The following WWOX variants were observed in gnomAD, a reference collection of about 807,000 sequenced individuals.
WWOX encodes the protein WW domain containing oxidoreductase, also known as WW domain-containing oxidoreductase.
In WWOX, 69 loss-of-function variants were observed where a neutral mutation model predicts 46.2. The observed-to-expected ratio is 1.49, with a 90% CI of 1.23 to 1.82. The LOEUF (loss-of-function observed/expected upper bound fraction) is 1.82. WWOX is among the 40% of genes most tolerant of loss of function. The pLI, the probability that WWOX is intolerant of heterozygous loss-of-function variation, is 0.00. For missense variants in WWOX, 919 were observed against 542.6 expected, an observed-to-expected ratio of 1.69 and a Z score of -6.89; for synonymous variants, 359 against 202.6, an observed-to-expected ratio of 1.77 and a Z score of -6.56.
At chr16:78,447,528 T>C (rs928579020) in intron 8 of WWOX, among the ~76,000 whole-genome samples, 2 of 152,220 alleles carry the variant, frequency 1.3e-5, no homozygotes, top group Non-Finnish European at 2.9e-5. Flanking sequence ...AGTATATGTG[T>C]AATTATTCAA....
intron 4 of WWOX, among the ~76,000 whole-genome samples, chr16:78,139,299 G>C (rs948298128): frequency 6.6e-6 from 1 of 152,156 alleles, no homozygotes; most frequent in African/African-American, 2.4e-5. Context: ...GAATTGTCGG[G>C]GGTGGGGTTG....
Position 78,348,188 on chromosome 16 carries a change from G to A in WWOX, c.517-38672G>A, listed in dbSNP as rs1227163225. ...AAAATACCTTTGCTTCTGGGCCATA[G>A]CTGTGTTTCTTCTTAACAAGGCAGA... is the stretch of plus-strand genomic sequence containing the variant. On this transcript the variant is annotated intron_variant, in intron 5 of 8. Coordinates refer to ENST00000566780, the MANE Select transcript of WWOX (RefSeq NM_016373.4). Among the ~76,000 whole-genome samples the A allele has an allele frequency of 3.3e-5, 4 of 121,914 alleles. 1 individual carries two copies. Among genetic ancestry groups the A allele is most frequent in the African/African-American group, 1.1e-4 (4 of 35,960 alleles). The allele number at this position is 121,914 out of a possible 152,430, so 80.0% of individuals were successfully genotyped here. A position where few individuals can be genotyped will look rare whatever the true frequency, so the allele number is the denominator to read the frequency against.
At chr16:78,417,620 C>G (rs887756984) in intron 6 of WWOX, among the ~76,000 whole-genome samples, 5 of 152,194 alleles carry the variant, frequency 3.3e-5, no homozygotes, top group African/African-American at 1.2e-4. Flanking sequence ...CCATCTTTCC[C>G]TCTTCCCCGC....
intron 8 of WWOX, among the ~76,000 whole-genome samples, chr16:78,509,311 G>T (rs999250324): frequency 2.0e-5 from 3 of 152,116 alleles, no homozygotes; most frequent in Non-Finnish European, 4.4e-5. Context: ...GTGATGGCCA[G>T]CACCTGTAGT....
intron 8 of WWOX, among the ~76,000 whole-genome samples, chr16:79,140,095 G>T (rs1430072147): frequency 6.6e-6 from 1 of 152,186 alleles, no homozygotes; most frequent in Admixed American, 6.5e-5. Flanking sequence ...TCTCAATGCT[G>T]TTGAGAACAT....
At chr16:78,435,076 G>A (rs770854658) in intron 8 of WWOX, among the ~76,000 whole-genome samples, 2 of 152,092 alleles carry the variant, frequency 1.3e-5, no homozygotes, top group Admixed American at 6.5e-5. Flanking sequence ...AAATTAAGTT[G>A]GATCGGTGAC....
chr16:78,866,886 G>C (rs560330680), intron 8 of WWOX, among the ~76,000 whole-genome samples: 1 of 152,200 alleles, frequency 6.6e-6, no homozygotes, highest in Admixed American at 6.5e-5. Flanking sequence ...CAAGCCTGCA[G>C]CATCAGGGCT....
intron 8 of WWOX, among the ~76,000 whole-genome samples, chr16:78,967,583 G>A (rs1201502395): frequency 2.0e-5 from 3 of 151,230 alleles, no homozygotes; most frequent in African/African-American, 4.9e-5. Context: ...GGGATTACAG[G>A]TGTGAGCCAC....
At chr16:78,239,011 C>T (rs1030033633) in intron 5 of WWOX, among the ~76,000 whole-genome samples, 6 of 152,174 alleles carry the variant, frequency 3.9e-5, no homozygotes, top group East Asian at 3.9e-4. Context: ...ATCACCTCTC[C>T]ACTTCGTGGA....
intron 5 of WWOX, among the ~76,000 whole-genome samples, chr16:78,265,316 T>C (rs1335638328): frequency 6.6e-6 from 1 of 151,788 alleles, no homozygotes; most frequent in Non-Finnish European, 1.5e-5. Context: ...TTCTGTTGAA[T>C]GTATGTTGTT....
At chr16:78,475,272 C>A (rs1218017990) in intron 8 of WWOX, among the ~76,000 whole-genome samples, 1 of 152,206 alleles carries the variant, frequency 6.6e-6, no homozygotes, top group African/African-American at 2.4e-5. Flanking sequence ...ATCTTCTCCT[C>A]CCTGTGTATT....
At chr16:78,375,937 G>A (rs757331055) in intron 5 of WWOX, among the ~76,000 whole-genome samples, 48 of 149,110 alleles carry the variant, frequency 3.2e-4, no homozygotes, top group Non-Finnish European at 5.9e-4. Flanking sequence ...CTGCAACTCC[G>A]CATCCTGGTT....
At chr16:78,216,818 G>A (rs1234973243) in intron 5 of WWOX, among the ~76,000 whole-genome samples, 2 of 152,064 alleles carry the variant, frequency 1.3e-5, no homozygotes, top group East Asian at 1.9e-4. Flanking sequence ...TGCAACTTCC[G>A]CCTCCAGGGT....
chr16:78,467,875 T>C (rs2084117718), intron 8 of WWOX, among the ~76,000 whole-genome samples: 1 of 152,226 alleles, frequency 6.6e-6, no homozygotes, highest in Non-Finnish European at 1.5e-5. Flanking sequence ...TTCCTGGATA[T>C]AAAATGACTC....
At chr16:79,174,319 C>A (rs1241926379) in intron 8 of WWOX, among the ~76,000 whole-genome samples, 1 of 152,158 alleles carries the variant, frequency 6.6e-6, no homozygotes, top group Non-Finnish European at 1.5e-5. Flanking sequence ...ATAATTAGTG[C>A]CTTGGCCAGA....
Position 78,115,172 on chromosome 16 carries a change from TTA to T in WWOX, c.409+20_409+21del, listed in dbSNP as rs1448782528. The T allele has an allele frequency of 1.9e-6, 3 of 1,614,054 alleles. No individual in the cohort carries two copies. In the African/African-American group the frequency reaches 4.0e-5, roughly 22 times the overall value. Reference sequence around the variant, plus strand: ...AGGAATAGGTAGGCTCTTCACTTAGTTATTTATCTTTGGGACTGCTATAATGA... The same window carrying T: ...AGGAATAGGTAGGCTCTTCACTTAGTTTTATCTTTGGGACTGCTATAATGA... On this transcript the variant is annotated intron_variant, in intron 4 of 8. Coordinates refer to ENST00000566780, the MANE Select transcript of WWOX (RefSeq NM_016373.4).
At chr16:78,212,354 C>G (rs955639394) in intron 5 of WWOX, among the ~76,000 whole-genome samples, 1 of 152,304 alleles carries the variant, frequency 6.6e-6, no homozygotes, top group South Asian at 2.1e-4. Flanking sequence ...AATGGCCATC[C>G]CCAAATTCAA....
At chr16:79,014,588 C>G (rs115764361) in intron 8 of WWOX, among the ~76,000 whole-genome samples, 13 of 152,290 alleles carry the variant, frequency 8.5e-5, no homozygotes, top group African/African-American at 2.9e-4. Flanking sequence ...AACAACCCAA[C>G]TCCTAGCCAC....
intron 6 of WWOX, among the ~76,000 whole-genome samples, chr16:78,406,315 T>TAC (rs1940771489): frequency 1.7e-5 from 1 of 60,342 alleles, no homozygotes; most frequent in Admixed American, 1.5e-4. Context: ...TATATATATA[T>TAC]ATATATATAT....
Sources: allele counts gnomAD v4.1 joint callset (sites outside exome capture counted in the v4.1 genomes callset), GRCh38; gene constraint gnomAD v4.1.1; transcripts MANE v1.5; gene names NCBI Gene and HGNC (gene_info 2026-07-23, HGNC 2026-07-21).